Variants in EYS observed in about 807,000 individuals in gnomAD.
EYS encodes the protein EGF-like photoreceptor maintenance factor.
EYS carries 250 observed loss-of-function variants against 282.1 expected under a neutral mutation model. The ratio of observed to expected loss-of-function variants is 0.89; its 90% CI spans 0.80 to 0.98. The LOEUF (loss-of-function observed/expected upper bound fraction) is 0.98, where lower values mean the gene tolerates loss of function less well. EYS is among the 50% of genes least tolerant of loss of function. The pLI is 0.00. For missense variants in EYS, 4,016 were observed against 3,709.0 expected (o/e 1.08, Z -2.15); for synonymous variants, 1,355 against 1,282.9 (o/e 1.06, Z -1.20).
rs111251961 is a variant in EYS at position 65,223,008 on chromosome 6, C to T, written c.2023+72855G>A. On this transcript the variant is annotated intron_variant, in intron 12 of 42. Transcript: ENST00000503581. Reference sequence around the variant, plus strand: ...GTGATTAAGAGTACAGACCTAAGGACGACATCAACAATGATGGTAAGAATT... The same window carrying T: ...GTGATTAAGAGTACAGACCTAAGGATGACATCAACAATGATGGTAAGAATT... Among the ~76,000 whole-genome samples, 1,232 of 152,142 alleles carry T rather than the reference C, an allele frequency of 8.1e-3. 10 individuals are homozygous for T. The highest frequency in any genetic ancestry group is 0.028 in the African/African-American group (1,156 of 41,490).
chr6:63,864,887 C>T (rs1487086839), intron 35 of EYS, among the ~76,000 whole-genome samples: 1 of 152,112 alleles, frequency 6.6e-6, no homozygotes, highest in Non-Finnish European at 1.5e-5. Context: ...GGTTTGGTGG[C>T]CCCAGGCTGT....
chr6:65,535,350 A>T (rs562085927), intron 2 of EYS, among the ~76,000 whole-genome samples: 11 of 152,204 alleles, frequency 7.2e-5, no homozygotes, highest in African/African-American at 2.4e-4. Context: ...TAATTGAATC[A>T]TGGGGGCAGG....
Position 63,928,241 on chromosome 6 carries a change from A to G in EYS, c.7055+56142T>C, listed in dbSNP as rs1043093184. Among the ~76,000 whole-genome samples the G allele has an allele frequency of 7.2e-5, 11 of 152,286 alleles. No homozygotes were observed. The East Asian group carries it at 2.1e-3, about 29-fold the overall frequency. Reference sequence around the variant, plus strand: ...TGCTGACTTATTTTTCAAATGCTCTATGACTCTTCTACAGTGTTTGGTAGA... The same window carrying G: ...TGCTGACTTATTTTTCAAATGCTCTGTGACTCTTCTACAGTGTTTGGTAGA... On this transcript the variant is annotated intron_variant, in intron 35 of 42. Transcript: ENST00000503581.
chr6:65,700,969 T>C (rs895544259), intron 1 of EYS, among the ~76,000 whole-genome samples: 17 of 152,220 alleles, frequency 1.1e-4, no homozygotes, highest in African/African-American at 3.4e-4. Flanking sequence ...TTCATATTGC[T>C]ATACAGCATC....
At chr6:65,569,907 A>T (rs960543147) in intron 2 of EYS, among the ~76,000 whole-genome samples, 3 of 152,096 alleles carry the variant, frequency 2.0e-5, no homozygotes, top group South Asian at 2.1e-4. Flanking sequence ...CTCTATTTTA[A>T]TTCTTTTATC....
At chr6:64,407,650 G>A (rs1034237234) in intron 28 of EYS, among the ~76,000 whole-genome samples, 1 of 152,054 alleles carries the variant, frequency 6.6e-6, no homozygotes, top group African/African-American at 2.4e-5. Context: ...GCTATTTTAA[G>A]AATTAGATAC....
chr6:64,974,418 T>A (rs994540380), intron 14 of EYS, among the ~76,000 whole-genome samples: 6 of 151,720 alleles, frequency 4.0e-5, no homozygotes, highest in African/African-American at 1.5e-4. Flanking sequence ...TGATGGATTC[T>A]TGAGTTCCAG....
Position 63,721,100 on chromosome 6 carries a change from G to A in EYS, c.8931C>T (p.Leu2977=). The part of the protein sequence containing the change: ...YIDPNYRMRN[L]QFTTISLNFS... ...AATTTAAGGATATAGTAGTGAACTG[G>A]AGGTTTCTCATTCTATAATTTGGAT... The change falls in exon 43 of 43, where the codon CTC becomes CTT. Residue 2977 remains leucine (L), a synonymous_variant. Coordinates refer to ENST00000503581, the MANE Select transcript of EYS (RefSeq NM_001142800.2). The A allele has an allele frequency of 6.4e-7, 1 of 1,551,332 alleles. No individual in the cohort carries two copies. Among genetic ancestry groups the A allele is most frequent in the East Asian group, 2.4e-5 (1 of 40,906 alleles).
At chr6:65,207,936 GA>G (rs764116328) in intron 12 of EYS, among the ~76,000 whole-genome samples, 1 of 151,644 alleles carries the variant, frequency 6.6e-6, no homozygotes, top group Non-Finnish European at 1.5e-5. Context: ...GAAAACCTAG[GA>G]AAACCACATT....
intron 34 of EYS, among the ~76,000 whole-genome samples, chr6:63,998,580 A>C (rs751338710): frequency 5.9e-5 from 9 of 152,178 alleles, no homozygotes; most frequent in Non-Finnish European, 1.2e-4. Flanking sequence ...GAAAGAATTC[A>C]GCAAATTGCC....
At chr6:64,597,316 A>G (rs1301829772) in intron 24 of EYS, among the ~76,000 whole-genome samples, 1 of 152,218 alleles carries the variant, frequency 6.6e-6, no homozygotes, top group Non-Finnish European at 1.5e-5. Flanking sequence ...GAGATTTCTC[A>G]AAGAACTAAA....
Position 64,861,012 on chromosome 6 carries a change from C to T in EYS, c.2992+25685G>A, listed in dbSNP as rs186128877. ...GAAAAAGCACCATGAGTTCCTGCTC[C>T]GGTCTACAGTACTGACAACCCAGAC... On this transcript the variant is annotated intron_variant, in intron 19 of 42. Transcript: ENST00000503581. Among the ~76,000 whole-genome samples, 29 of 152,270 alleles carry T rather than the reference C, an allele frequency of 1.9e-4. No homozygotes were observed. In the East Asian group the frequency reaches 4.1e-3, roughly 21 times the overall value.
chr6:64,212,439 T>C (rs1765807964), intron 31 of EYS, among the ~76,000 whole-genome samples: 1 of 152,054 alleles, frequency 6.6e-6, no homozygotes, highest in Non-Finnish European at 1.5e-5. Context: ...AATCTGATTA[T>C]ATATAAAATA....
chr6:64,638,578 T>A lies in EYS; in HGVS notation c.3444-12333A>T, dbSNP rs1768044280. 2.2e-5 allele frequency among the ~76,000 whole-genome samples: 2 copies of A among 90,494 alleles called. 1 individual carries two copies. Among genetic ancestry groups the A allele is most frequent in the African/African-American group, 8.5e-5 (2 of 23,654 alleles). The allele number at this position is 90,494 out of a possible 152,430, so 59.4% of individuals were successfully genotyped here. A position where few individuals can be genotyped will look rare whatever the true frequency, so the allele number is the denominator to read the frequency against. The stretch of plus-strand genomic sequence containing the variant: ...GTGTCTTTTTCATTATTTGGGAGAG[T>A]TCTAGAATGAGCAAGACATCTTGCC... On this transcript the variant is annotated intron_variant, in intron 22 of 42. Transcript: ENST00000503581.
chr6:64,762,610 C>T (rs906581567), intron 22 of EYS, among the ~76,000 whole-genome samples: 3 of 152,060 alleles, frequency 2.0e-5, no homozygotes, highest in Admixed American at 6.6e-5. Context: ...GAAGAGCGCA[C>T]ATATGCAGAT....
intron 40 of EYS, among the ~76,000 whole-genome samples, chr6:63,763,080 G>A (rs1285262025): frequency 6.6e-6 from 1 of 152,066 alleles, no homozygotes; most frequent in Non-Finnish European, 1.5e-5. Flanking sequence ...CAAAAGAGCT[G>A]CAAACATACT....
intron 22 of EYS, among the ~76,000 whole-genome samples, chr6:64,641,104 A>G (rs527755699): frequency 1.3e-5 from 2 of 152,230 alleles, no homozygotes; most frequent in Non-Finnish European, 2.9e-5. Context: ...GTTGATAATG[A>G]CATACCCAAG....
intron 31 of EYS, among the ~76,000 whole-genome samples, chr6:64,088,600 G>A (rs1022958497): frequency 3.4e-4 from 52 of 151,928 alleles, no homozygotes; most frequent in Non-Finnish European, 1.9e-4. Context: ...TATTGAGTTT[G>A]AAATAACTTA....
At chr6:63,987,130 G>T (rs897423783) in intron 34 of EYS, among the ~76,000 whole-genome samples, 16 of 151,670 alleles carry the variant, frequency 1.1e-4, no homozygotes, top group Non-Finnish European at 4.4e-5. Context: ...AAGCTAAATT[G>T]TCTTTGGAAA....
Sources: gnomAD v4.1 joint callset for allele counts (sites outside exome capture counted in the v4.1 genomes callset) on GRCh38, gnomAD v4.1.1 for gene constraint, MANE v1.5 for transcripts, NCBI Gene and HGNC (gene_info 2026-07-23, HGNC 2026-07-21) for gene names.